The following DRC11 variants were observed in gnomAD, a reference collection of about 807,000 sequenced individuals.
DRC11 encodes dynein regulatory complex subunit 11, also known as IQ and AAA domain-containing protein 1.
the DRC11 span, among the ~76,000 whole-genome samples, chr2:236,378,299 C>T: frequency 6.6e-6 from 1 of 152,230 alleles, no homozygotes; most frequent in Admixed American, 6.5e-5. Flanking sequence ...AACTTGAATA[C>T]TTATTTAATA....
the DRC11 span, chr2:236,392,439 G>T: frequency 1.5e-6 from 1 of 650,946 alleles, no homozygotes. This position sits in a 1 kb window ranked among gnomAD's most constrained non-coding sequence, Gnocchi z 5.1. Context: ...TAGGTTAATT[G>T]TAAGTTATTG....
At chr2:236,355,144 A>G in the DRC11 span, among the ~76,000 whole-genome samples, 14 of 152,302 alleles carry the variant, frequency 9.2e-5, no homozygotes, top group East Asian at 2.7e-3. Context: ...TGTTCCAGGC[A>G]GGGGAAACAA....
At chr2:236,473,435 A>C in the DRC11 span, among the ~76,000 whole-genome samples, 1 of 152,228 alleles carries the variant, frequency 6.6e-6, no homozygotes, top group African/African-American at 2.4e-5. The surrounding 1 kb of genome is among the most constrained non-coding windows in gnomAD (Gnocchi z 4.8). Flanking sequence ...AGCTTGCCTC[A>C]CGTTAGAATG....
At chr2:236,418,713 C>T in the DRC11 span, among the ~76,000 whole-genome samples, 2 of 152,146 alleles carry the variant, frequency 1.3e-5, no homozygotes, top group Admixed American at 1.3e-4. Flanking sequence ...TAAAATATAT[C>T]CAGATGTCAG....
At chr2:236,456,718 G>A in the DRC11 span, among the ~76,000 whole-genome samples, 1 of 152,198 alleles carries the variant, frequency 6.6e-6, no homozygotes, top group East Asian at 1.9e-4. The surrounding 1 kb of genome is among the most constrained non-coding windows in gnomAD (Gnocchi z 5.4). Context: ...GATGGGAGTG[G>A]GGTAGAGGGT....
chr2:236,455,942 C>A, the DRC11 span, among the ~76,000 whole-genome samples: 1 of 151,938 alleles, frequency 6.6e-6, no homozygotes, highest in Non-Finnish European at 1.5e-5. The surrounding 1 kb of genome is among the most constrained non-coding windows in gnomAD (Gnocchi z 5.7). Context: ...GCATGCCCAC[C>A]CCCACCACTG....
chr2:236,379,345 G>C, the DRC11 span, among the ~76,000 whole-genome samples: 13 of 122,638 alleles, frequency 1.1e-4, no homozygotes, highest in Non-Finnish European at 2.1e-4. Flanking sequence ...CCCCCAAACA[G>C]GGGAGCGACA....
the DRC11 span, among the ~76,000 whole-genome samples, chr2:236,360,915 C>T: frequency 2.0e-5 from 3 of 152,224 alleles, no homozygotes; most frequent in African/African-American, 7.2e-5. This position sits in a 1 kb window ranked among gnomAD's most constrained non-coding sequence, Gnocchi z 5.8. Context: ...AGTAATTTAA[C>T]TGCCTGCTAG....
At chr2:236,458,774 GGT>G in the DRC11 span, among the ~76,000 whole-genome samples, 2 of 152,106 alleles carry the variant, frequency 1.3e-5, no homozygotes, top group African/African-American at 2.4e-5. Context: ...GGCCAGGCAT[GGT>G]GGCTTACGCC....
chr2:236,397,932 C>A, the DRC11 span, among the ~76,000 whole-genome samples: 2 of 152,202 alleles, frequency 1.3e-5, no homozygotes, highest in Non-Finnish European at 2.9e-5. The surrounding 1 kb of genome is among the most constrained non-coding windows in gnomAD (Gnocchi z 5.0). Flanking sequence ...CACCTGACAC[C>A]CTGGAAATGC....
the DRC11 span, among the ~76,000 whole-genome samples, chr2:236,336,158 C>T: frequency 0.05 from 7,594 of 152,126 alleles, 595 homozygotes; most frequent in African/African-American, 0.17. This position sits in a 1 kb window ranked among gnomAD's most constrained non-coding sequence, Gnocchi z 7.3. Flanking sequence ...GTGTATAACA[C>T]TGATTTAGAA....
At chr2:236,357,058 T>TATTTATATATTCATATATTATATATC in the DRC11 span, among the ~76,000 whole-genome samples, 1 of 70,716 alleles carries the variant, frequency 1.4e-5, no homozygotes, top group African/African-American at 6.4e-5. Flanking sequence ...ATATATCTAT[T>TATTTATATATTCATATATTATATATC]TATATATTCA....
the DRC11 span, among the ~76,000 whole-genome samples, chr2:236,347,885 C>A: frequency 6.6e-6 from 1 of 151,746 alleles, no homozygotes; most frequent in African/African-American, 2.4e-5. Flanking sequence ...TCTCAAATCT[C>A]AAATCAATGA....
the DRC11 span, among the ~76,000 whole-genome samples, chr2:236,506,942 G>A: frequency 1.3e-5 from 2 of 152,164 alleles, no homozygotes; most frequent in African/African-American, 4.8e-5. This position sits in a 1 kb window ranked among gnomAD's most constrained non-coding sequence, Gnocchi z 4.9. Context: ...AGACAAAATG[G>A]CATAGTGCTT....
chr2:236,336,026 C>T, the DRC11 span, among the ~76,000 whole-genome samples: 1 of 152,154 alleles, frequency 6.6e-6, no homozygotes, highest in Non-Finnish European at 1.5e-5. The surrounding 1 kb of genome is among the most constrained non-coding windows in gnomAD (Gnocchi z 7.3). Flanking sequence ...CCTGTCTTCC[C>T]TCGCTTCTTT....
chr2:236,383,280 T>G, the DRC11 span, among the ~76,000 whole-genome samples: 2 of 152,226 alleles, frequency 1.3e-5, no homozygotes, highest in Admixed American at 6.5e-5. Flanking sequence ...TTCGTTTCTT[T>G]GACATTGGTT....
At chr2:236,375,951 G>A in the DRC11 span, among the ~76,000 whole-genome samples, 16 of 152,252 alleles carry the variant, frequency 1.1e-4, no homozygotes, top group South Asian at 2.1e-4. This position sits in a 1 kb window ranked among gnomAD's most constrained non-coding sequence, Gnocchi z 4.2. Flanking sequence ...GAGGCTGCTG[G>A]GAACAGAATC....
At chr2:236,392,316 G>C in the DRC11 span, 1 of 1,597,266 alleles carries the variant, frequency 6.3e-7, no homozygotes, top group Non-Finnish European at 8.5e-7. The surrounding 1 kb of genome is among the most constrained non-coding windows in gnomAD (Gnocchi z 5.1). Flanking sequence ...AGTCCTGAGA[G>C]AAATTCCAAG....
the DRC11 span, among the ~76,000 whole-genome samples, chr2:236,498,476 AG>A: frequency 0.1 from 13,291 of 130,420 alleles, 1,176 homozygotes; most frequent in African/African-American, 0.34. Context: ...AAAAAAAAAA[AG>A]AGTGAGGTGA....
Sources: gnomAD v4.1 joint callset for allele counts (sites outside exome capture counted in the v4.1 genomes callset) on GRCh38, gnomAD v4.1.1 for gene constraint, Gnocchi (gnomAD v3.1) non-coding constraint, MANE v1.5 for transcripts, NCBI Gene and HGNC (gene_info 2026-07-23, HGNC 2026-07-21) for gene names.